Variants in ATP2B2 observed in about 807,000 individuals in gnomAD.
The protein encoded by ATP2B2 is ATPase plasma membrane Ca2+ transporting 2, also known as plasma membrane calcium-transporting ATPase 2.
ATP2B2 carries 15 observed loss-of-function variants against 120.0 expected under a neutral mutation model. The observed-to-expected ratio is 0.12, with a 90% CI of 0.08 to 0.19. The LOEUF is 0.19. Among genes scored for constraint, ATP2B2 ranks in the 10% least tolerant of loss-of-function variants. ATP2B2 has a pLI of 1.00. For missense variants in ATP2B2, 1,045 were observed against 1,719.8 expected, an observed-to-expected ratio of 0.61 and a Z score of 6.94; for synonymous variants, 694 against 700.3, an observed-to-expected ratio of 0.99 and a Z score of 0.14.
At chr3:10,556,723 G>T (rs1407260059) in intron 2 of ATP2B2, among the ~76,000 whole-genome samples, 1 of 152,194 alleles carries the variant, frequency 6.6e-6, no homozygotes, top group East Asian at 1.9e-4. Flanking sequence ...ATGTTATTCT[G>T]TCATTTATAT....
chr3:10,680,672 C>A (rs2071361239), intron 1 of ATP2B2, among the ~76,000 whole-genome samples: 1 of 152,136 alleles, frequency 6.6e-6, no homozygotes. Flanking sequence ...GGTTACTGAT[C>A]CTCTCATTGA....
chr3:10,516,120 C>T (rs1244945972), intron 3 of ATP2B2, among the ~76,000 whole-genome samples: 1 of 152,230 alleles, frequency 6.6e-6, no homozygotes, highest in African/African-American at 2.4e-5. Flanking sequence ...TTGTGAAACA[C>T]TTACCAGCAC....
intron 1 of ATP2B2, among the ~76,000 whole-genome samples, chr3:10,472,676 G>A (rs571898182): frequency 7.9e-5 from 12 of 152,254 alleles, no homozygotes; most frequent in African/African-American, 2.9e-4. Flanking sequence ...TTAATTCTCT[G>A]CCTGGTTTCT....
chr3:10,625,514 C>T (rs1025444700), intron 1 of ATP2B2, among the ~76,000 whole-genome samples: 11 of 152,296 alleles, frequency 7.2e-5, no homozygotes, highest in Admixed American at 3.3e-4. Flanking sequence ...CAGGATTTGA[C>T]GCAGATACTC....
chr3:10,351,688 T>C (rs574515786), intron 14 of ATP2B2, among the ~76,000 whole-genome samples: 13 of 152,312 alleles, frequency 8.5e-5, no homozygotes, highest in African/African-American at 2.9e-4. Flanking sequence ...ATTATAGTGG[T>C]AAATCCAGCT....
At chr3:10,486,760 C>T (rs978257850) in intron 1 of ATP2B2, among the ~76,000 whole-genome samples, 2 of 152,160 alleles carry the variant, frequency 1.3e-5, no homozygotes, top group South Asian at 4.1e-4. Flanking sequence ...CACTCTGTCG[C>T]CCAGGCTGGA....
At chr3:10,660,010 C>T (rs2070738846) in intron 1 of ATP2B2, among the ~76,000 whole-genome samples, 2 of 152,068 alleles carry the variant, frequency 1.3e-5, no homozygotes, top group Admixed American at 6.5e-5. Flanking sequence ...GGATACATAA[C>T]GAAATGAAGG....
chr3:10,332,086 T>C (rs759862223), intron 22 of ATP2B2: 23 of 1,509,608 alleles, frequency 1.5e-5, no homozygotes, highest in African/African-American at 1.1e-4. Flanking sequence ...AGGTCTAGGG[T>C]TCCCCCCACA....
At chr3:10,646,317 A>T (rs1230170050) in intron 1 of ATP2B2, among the ~76,000 whole-genome samples, 3 of 151,852 alleles carry the variant, frequency 2.0e-5, no homozygotes, top group Non-Finnish European at 2.9e-5. Context: ...TCACTCCCCA[A>T]ATTCTCCTTG....
rs2063962195 is a variant in ATP2B2, at chr3:10,449,581, C to A, written c.-38G>T. On this transcript the variant is annotated 5_prime_UTR_variant, in exon 2 of 23. Transcript: ENST00000360273. ...CCTTGCTCGGGCTGGGCCCAAGGGTCAGCGCTGGACAAGAGGCTGCCGGGT... is the reference window on the plus strand; with the variant it reads ...CCTTGCTCGGGCTGGGCCCAAGGGTAAGCGCTGGACAAGAGGCTGCCGGGT... 4 of 1,612,558 alleles carry A rather than the reference C, an allele frequency of 2.5e-6. No homozygotes were observed. Among genetic ancestry groups the A allele is most frequent in the Middle Eastern group, 1.6e-4 (1 of 6,080 alleles).
chr3:10,332,878 T>C (rs2060018097), intron 22 of ATP2B2, among the ~76,000 whole-genome samples: 1 of 152,086 alleles, frequency 6.6e-6, no homozygotes, highest in Non-Finnish European at 1.5e-5. Context: ...GGAACTGCTC[T>C]GGAAATGTTG....
chr3:10,443,483 T>C (rs973849773), intron 2 of ATP2B2, among the ~76,000 whole-genome samples: 2 of 152,274 alleles, frequency 1.3e-5, no homozygotes, highest in Non-Finnish European at 2.9e-5. Flanking sequence ...GGATTTTTAA[T>C]GGGGCGGGGC....
At chr3:10,379,141 T>C in intron 9 of ATP2B2, 102 bp downstream of exon 9, 2 of 1,377,914 alleles carry the variant, frequency 1.5e-6, no homozygotes, top group Non-Finnish European at 2.0e-6. Context: ...AGTGGATGTG[T>C]CTGCCTCTGG....
chr3:10,618,689 A>G (rs1217252143), intron 2 of ATP2B2, among the ~76,000 whole-genome samples: 1 of 152,090 alleles, frequency 6.6e-6, no homozygotes, highest in African/African-American at 2.4e-5. Context: ...TCTGGGGCCA[A>G]TCTGGTCAGA....
rs552313387 is a variant in ATP2B2 at position 10,670,755 on chromosome 3, G to A, written c.-460+37160C>T. Among the ~76,000 whole-genome samples, 8 of 152,304 alleles carry A rather than the reference G, an allele frequency of 5.3e-5. No homozygotes were observed. The East Asian group carries it at 7.7e-4, about 15-fold the overall frequency. ...GTTTTTAAATATCTAAAGGATGTTC[G>A]TGTGGAAGAAGGCCTGGACTTTCTA... On this transcript the variant is annotated intron_variant, in intron 1 of 21. Coordinates refer to the ATP2B2 transcript ENST00000646379.
chr3:10,693,281 A>G (rs1396726564), intron 1 of ATP2B2, among the ~76,000 whole-genome samples: 1 of 152,244 alleles, frequency 6.6e-6, no homozygotes, highest in Non-Finnish European at 1.5e-5. Flanking sequence ...TAACTCTTAT[A>G]GTGGAGAATC....
intron 12 of ATP2B2, among the ~76,000 whole-genome samples, chr3:10,366,328 C>T (rs972285555): frequency 6.6e-6 from 1 of 152,200 alleles, no homozygotes; most frequent in African/African-American, 2.4e-5. Flanking sequence ...CTCCTCCCTT[C>T]TGGGGTTATT....
At chr3:10,439,130 G>A (rs961538979) in intron 2 of ATP2B2, among the ~76,000 whole-genome samples, 4 of 152,234 alleles carry the variant, frequency 2.6e-5, no homozygotes, top group Non-Finnish European at 4.4e-5. Context: ...TTGAGGTCAC[G>A]AATTTTCAAG....
At chr3:10,550,848 G>C (rs1488949953) in intron 2 of ATP2B2, among the ~76,000 whole-genome samples, 2 of 152,190 alleles carry the variant, frequency 1.3e-5, no homozygotes, top group African/African-American at 2.4e-5. Flanking sequence ...AGTTGTTCTG[G>C]GAGAGACAGA....
Sources: allele counts gnomAD v4.1 joint callset (sites outside exome capture counted in the v4.1 genomes callset), GRCh38; gene constraint gnomAD v4.1.1; transcripts MANE v1.5; gene names NCBI Gene and HGNC (gene_info 2026-07-23, HGNC 2026-07-21).